XIRP2: variants seen among roughly 807,000 people sequenced by gnomAD.
XIRP2 encodes the protein xin actin-binding repeat-containing protein 2.
A neutral mutation model predicts 277.0 loss-of-function variants in XIRP2; 236 were observed. That is an observed-to-expected ratio of 0.85 (90% CI 0.77 to 0.95). The LOEUF (loss-of-function observed/expected upper bound fraction) is 0.95, where lower values mean the gene tolerates loss of function less well. Ranked by LOEUF, XIRP2 falls within the 40% of genes least tolerant of loss-of-function variation. The probability of loss-of-function intolerance (pLI) is 0.00; values close to 1 mark genes in which losing one functional copy is unlikely to be tolerated. For synonymous variants in XIRP2, 1,490 were observed against 1,416.5 expected (o/e 1.05, Z -1.17); for missense variants, 4,640 against 4,157.5 (o/e 1.12, Z -3.19).
intron 2 of XIRP2, among the ~76,000 whole-genome samples, chr2:167,130,519 T>A (rs1374300319): frequency 6.6e-6 from 1 of 152,096 alleles, no homozygotes; most frequent in Non-Finnish European, 1.5e-5. Context: ...CCCTACAAAC[T>A]AAAGCAAACA....
rs1264752878 is a variant in XIRP2 at position 167,245,430 on chromosome 2, T to C, written c.4038T>C (p.Asp1346=). 4 of 1,613,616 alleles carry C rather than the reference T, an allele frequency of 2.5e-6. No homozygotes were observed. The highest frequency in any genetic ancestry group is 3.4e-6 in the Non-Finnish European group (4 of 1,179,760). The part of the protein sequence containing the change: ...TVKKEEVIHG[D]VRGTRWLFET... ...AAAAAGAAGAGGTAATTCATGGAGATGTGCGAGGAACAAGGTGGCTTTTTG... is the reference window on the plus strand; with the variant it reads ...AAAAAGAAGAGGTAATTCATGGAGACGTGCGAGGAACAAGGTGGCTTTTTG... Residue 1346 remains aspartate (D), a synonymous_variant, in exon 9 of 11, where the codon GAT becomes GAC. Coordinates refer to ENST00000409195, the MANE Select transcript of XIRP2 (RefSeq NM_152381.6).
At chr2:167,115,877 T>C (rs1391187474) in intron 2 of XIRP2, among the ~76,000 whole-genome samples, 1 of 152,208 alleles carries the variant, frequency 6.6e-6, no homozygotes, top group Non-Finnish European at 1.5e-5. Flanking sequence ...TCTTTGAGAC[T>C]TCCTTTTTGA....
chr2:167,048,129 G>A (rs1485955675), intron 2 of XIRP2, among the ~76,000 whole-genome samples: 1 of 151,696 alleles, frequency 6.6e-6, no homozygotes, highest in African/African-American at 2.4e-5. Context: ...TGTAACAGTG[G>A]GCATCAGTTA....
At chr2:167,032,059 C>T (rs538649637) in intron 2 of XIRP2, among the ~76,000 whole-genome samples, 27 of 152,244 alleles carry the variant, frequency 1.8e-4, no homozygotes, top group African/African-American at 6.0e-4. Flanking sequence ...AACTATACTA[C>T]AAATCTACAG....
At chr2:166,899,592 A>C (rs1051983094) in intron 1 of XIRP2, among the ~76,000 whole-genome samples, 1 of 152,036 alleles carries the variant, frequency 6.6e-6, no homozygotes, top group Admixed American at 6.6e-5. Context: ...TTGTCTGAGA[A>C]TGTGTTTATT....
At chr2:167,196,213 T>A (rs942301459) in intron 3 of XIRP2, among the ~76,000 whole-genome samples, 1 of 152,266 alleles carries the variant, frequency 6.6e-6, no homozygotes, top group African/African-American at 2.4e-5. Context: ...TGGAAATAAG[T>A]TTGTGGGTAA....
Position 167,251,345 on chromosome 2 carries a change from C to G in XIRP2, c.9953C>G (p.Thr3318Ser), listed in dbSNP as rs372282410. Residue 3318 changes from threonine (T) to serine (S), a missense_variant, in exon 9 of 11, where the codon ACT becomes AGT. By Grantham distance (58) the Thr-to-Ser change is moderately conservative (BLOSUM62 1). Transcript: ENST00000409195. ...HTQRYEAANR[T>S]VQMAENFVND... is the part of the protein sequence containing the mutation. The stretch of plus-strand genomic sequence containing the variant: ...CAGAGATATGAAGCGGCCAACCGAA[C>G]TGTTCAAATGGCTGAAAATTTCGTG... 2.5e-6 allele frequency: 4 copies of G among 1,613,538 alleles called. No homozygotes were observed. Among genetic ancestry groups the G allele is most frequent in the East Asian group, 4.5e-5 (2 of 44,834 alleles).
In XIRP2 at chr2:167,022,598, C is replaced by A. The variant is rs182191372; in HGVS notation, c.409-113311C>A. Reference sequence around the variant, plus strand: ...ATATCTCCTAATGCTATCCCTCCCCCCTACCCCCACCCCACAACAGGCCCC... The same window carrying A: ...ATATCTCCTAATGCTATCCCTCCCCACTACCCCCACCCCACAACAGGCCCC... On this transcript the variant is annotated intron_variant, in intron 2 of 10. Transcript: ENST00000409195. 5.9e-4 allele frequency among the ~76,000 whole-genome samples: 89 copies of A among 152,086 alleles called. No homozygotes were observed. The East Asian group carries it at 0.013, about 22-fold the overall frequency.
chr2:167,063,010 C>A (rs1317172035), intron 2 of XIRP2, among the ~76,000 whole-genome samples: 1 of 151,334 alleles, frequency 6.6e-6, no homozygotes, highest in Non-Finnish European at 1.5e-5. Flanking sequence ...ATTTGTTTTT[C>A]TAGTTTGTAG....
chr2:167,027,324 G>A (rs867612170), intron 2 of XIRP2, among the ~76,000 whole-genome samples: 5 of 151,792 alleles, frequency 3.3e-5, no homozygotes, highest in Non-Finnish European at 5.9e-5. Flanking sequence ...CATTCTTCAC[G>A]TAGATCTCAA....
intron 7 of XIRP2, 104 bp downstream of exon 7, chr2:167,240,840 T>A: frequency 3.1e-6 from 3 of 965,876 alleles, no homozygotes; most frequent in African/African-American, 1.6e-5. Context: ...TGAGTAACTT[T>A]AGTAACTATG....
rs528551814 is a variant in XIRP2, at chr2:167,033,625, GAAAAC to G, written c.409-102265_409-102261del. ...CAACAGGATCTTAAGTACAACAAGA[GAAAAC>G]AAAACAAAACAAAACAAATAACATA... On this transcript the variant is annotated intron_variant, in intron 2 of 10. Coordinates refer to ENST00000409195, the MANE Select transcript of XIRP2 (RefSeq NM_152381.6). 3.5e-3 allele frequency among the ~76,000 whole-genome samples: 527 copies of G among 151,678 alleles called. 2 individuals carry two copies. Among genetic ancestry groups the G allele is most frequent in the African/African-American group, 0.011 (441 of 41,374 alleles).
At chr2:167,098,109 G>T (rs1402770394) in intron 2 of XIRP2, among the ~76,000 whole-genome samples, 1 of 152,116 alleles carries the variant, frequency 6.6e-6, no homozygotes, top group African/African-American at 2.4e-5. Flanking sequence ...TGCTAGGTTG[G>T]GGAGGTTCTC....
chr2:167,025,423 T>A (rs1221924896), intron 2 of XIRP2, among the ~76,000 whole-genome samples: 1 of 152,148 alleles, frequency 6.6e-6, no homozygotes, highest in Non-Finnish European at 1.5e-5. Flanking sequence ...ATTCATTAAT[T>A]TTTTGAAGGG....
Position 167,258,924 on chromosome 2 carries a change from T to C in XIRP2, c.*1107T>C, listed in dbSNP as rs765547541. 3 of 1,613,036 alleles carry C rather than the reference T, an allele frequency of 1.9e-6. No individual in the cohort carries two copies. Among genetic ancestry groups the C allele is most frequent in the Non-Finnish European group, 2.5e-6 (3 of 1,179,594 alleles). ...GACAGAGCAGCTGCTGGCAGTCCTGTGCAGCCTGCTCCAAAACCAAGCCTC... is the reference window on the plus strand; with the variant it reads ...GACAGAGCAGCTGCTGGCAGTCCTGCGCAGCCTGCTCCAAAACCAAGCCTC... On this transcript the variant is annotated 3_prime_UTR_variant, in exon 11 of 11. Coordinates refer to ENST00000409195, the MANE Select transcript of XIRP2 (RefSeq NM_152381.6).
At chr2:166,954,088 G>C (rs1024525610) in intron 2 of XIRP2, among the ~76,000 whole-genome samples, 1 of 151,226 alleles carries the variant, frequency 6.6e-6, no homozygotes, top group African/African-American at 2.4e-5. Context: ...AACCCTACTG[G>C]GTGTGTGTGT....
intron 2 of XIRP2, among the ~76,000 whole-genome samples, chr2:167,008,235 T>A (rs1053711092): frequency 1.1e-4 from 17 of 151,340 alleles, no homozygotes; most frequent in East Asian, 5.8e-4. Flanking sequence ...CAAAACAAAA[T>A]TTTTTTTTCT....
At chr2:167,049,596 C>T (rs370606129) in intron 2 of XIRP2, among the ~76,000 whole-genome samples, 4 of 151,704 alleles carry the variant, frequency 2.6e-5, no homozygotes, top group African/African-American at 7.3e-5. Context: ...ATGGGTCCTG[C>T]GCTTATAACC....
chr2:166,968,400 G>A lies in XIRP2; in HGVS notation c.408+64510G>A, dbSNP rs181351321. 3.0e-3 allele frequency among the ~76,000 whole-genome samples: 451 copies of A among 151,964 alleles called. 2 individuals carry two copies. The highest frequency in any genetic ancestry group is 0.01 in the Middle Eastern group (3 of 294). On this transcript the variant is annotated intron_variant, in intron 2 of 10. Transcript: ENST00000409195. ...ATCAGTATTTTCTGAAAACCCATAC[G>A]GAGAACAGAAACAGAATCTGTCCTT...
Sources: allele counts gnomAD v4.1 joint callset (sites outside exome capture counted in the v4.1 genomes callset), GRCh38; gene constraint gnomAD v4.1.1; transcripts MANE v1.5; gene names NCBI Gene and HGNC (gene_info 2026-07-23, HGNC 2026-07-21).